The following ARHGAP44 variants were observed in gnomAD, a reference collection of about 807,000 sequenced individuals.
ARHGAP44 encodes the protein Rho GTPase activating protein 44, also known as rho GTPase-activating protein 44.
A neutral mutation model predicts 106.8 loss-of-function variants in ARHGAP44; 43 were observed. That is an observed-to-expected ratio of 0.40 (90% confidence interval 0.32 to 0.52). The LOEUF (loss-of-function observed/expected upper bound fraction) is 0.52, where lower values mean the gene tolerates loss of function less well. Ranked by LOEUF, ARHGAP44 falls within the 20% of genes least tolerant of loss-of-function variation. The probability of loss-of-function intolerance (pLI) is 0.48; values close to 1 mark genes in which losing one functional copy is unlikely to be tolerated. For missense variants in ARHGAP44, 866 were observed against 1,050.5 expected (o/e 0.82, Z 2.43); for synonymous variants, 439 against 410.3 (o/e 1.07, Z -0.85).
At chr17:12,944,326 C>T in intron 10 of ARHGAP44, 130 bp downstream of exon 10, 1 of 1,171,698 alleles carries the variant, frequency 8.5e-7, no homozygotes, top group Non-Finnish European at 1.1e-6. Context: ...AAGACAGTGG[C>T]TCAGACCCAT....
chr17:12,926,397 T>C (rs1367369820), intron 6 of ARHGAP44, among the ~76,000 whole-genome samples: 1 of 145,564 alleles, frequency 6.9e-6, no homozygotes, highest in Admixed American at 7.1e-5. Flanking sequence ...ATATATAATA[T>C]ATATTGTATA....
intron 1 of ARHGAP44, among the ~76,000 whole-genome samples, chr17:12,861,626 C>T (rs796487914): frequency 2.0e-5 from 3 of 147,018 alleles, no homozygotes; most frequent in African/African-American, 7.5e-5. Flanking sequence ...CTGAATTCCT[C>T]TTCTGCCTCC....
intron 1 of ARHGAP44, among the ~76,000 whole-genome samples, chr17:12,871,645 C>T (rs78845619): frequency 0.022 from 3,300 of 152,196 alleles, 133 homozygotes; most frequent in African/African-American, 0.076. Context: ...CCACTAGGCC[C>T]CTCGTCCAAC....
chr17:12,926,437 A>AT (rs376555110), intron 6 of ARHGAP44, among the ~76,000 whole-genome samples: 1 of 144,016 alleles, frequency 6.9e-6, no homozygotes, highest in Admixed American at 7.2e-5. Flanking sequence ...TATAATATAT[A>AT]TGTATATACA....
intron 1 of ARHGAP44, among the ~76,000 whole-genome samples, chr17:12,812,901 TCA>T (rs1035636581): frequency 2.0e-5 from 3 of 152,162 alleles, no homozygotes; most frequent in African/African-American, 4.8e-5. Context: ...ACTTAAAAAA[TCA>T]CAGTCATATG....
chr17:12,984,550 G>A lies in ARHGAP44; in HGVS notation c.1959G>A (p.Pro653=), dbSNP rs774468228. The A allele has an allele frequency of 5.9e-6, 9 of 1,526,520 alleles. No homozygotes were observed. The highest frequency in any genetic ancestry group is 4.4e-5 in the Admixed American group (2 of 45,574). 94.6% of individuals were successfully genotyped at this position (1,526,520 alleles called of 1,614,324 possible). A position where few individuals can be genotyped will look rare whatever the true frequency, so the allele number is the denominator to read the frequency against. The change falls in exon 20 of 21, where the codon CCG becomes CCA. Residue 653 remains proline, a synonymous_variant. Transcript: ENST00000379672. The stretch of plus-strand genomic sequence containing the variant: ...TTTCAGTTTCAAAGAAGCTGGCACC[G>A]ATTCCACCCAAGGTCCCCTTTGGCC... The part of the protein sequence containing the change: ...TLRKVSKKLA[P]IPPKVPFGQP...
intron 8 of ARHGAP44, 65 bp from the exon 9 acceptor site, chr17:12,943,523 G>A: frequency 2.0e-6 from 3 of 1,513,218 alleles, no homozygotes; most frequent in Non-Finnish European, 2.7e-6. Context: ...AAAATGCTTT[G>A]CATGCCATGG....
At chr17:12,895,168 C>A (rs9898453) in intron 2 of ARHGAP44, among the ~76,000 whole-genome samples, 189 bp downstream of exon 2, 1 of 144,748 alleles carries the variant, frequency 6.9e-6, no homozygotes, top group African/African-American at 2.5e-5. Flanking sequence ...AAACAAACAA[C>A]CAAAAAAACC....
At chr17:12,890,409 T>A (rs2037008048) in intron 1 of ARHGAP44, among the ~76,000 whole-genome samples, 1 of 152,168 alleles carries the variant, frequency 6.6e-6, no homozygotes, top group East Asian at 1.9e-4. Flanking sequence ...ACTTATGCCC[T>A]CTGGAGAGCA....
chr17:12,980,360 G>T, intron 19 of ARHGAP44, 127 bp downstream of exon 19: 1 of 1,023,076 alleles, frequency 9.8e-7, no homozygotes, highest in Non-Finnish European at 1.4e-6. Flanking sequence ...ATTCCCATCT[G>T]GACATTAGAG....
intron 1 of ARHGAP44, among the ~76,000 whole-genome samples, chr17:12,851,548 A>G (rs1271189007): frequency 6.6e-6 from 1 of 150,968 alleles, no homozygotes; most frequent in African/African-American, 2.4e-5. Context: ...GCTCACCACA[A>G]CCTCCGTCCG....
intron 19 of ARHGAP44, among the ~76,000 whole-genome samples, chr17:12,982,360 C>T (rs977370648): frequency 2.6e-5 from 4 of 151,550 alleles, no homozygotes; most frequent in South Asian, 4.2e-4. Flanking sequence ...GACAGCGTGC[C>T]GACAATTTCA....
chr17:12,898,649 C>G (rs1309912374), intron 3 of ARHGAP44, among the ~76,000 whole-genome samples: 6 of 152,156 alleles, frequency 3.9e-5, no homozygotes, highest in Non-Finnish European at 8.8e-5. Context: ...TTCACATAAC[C>G]ATATCACAGG....
intron 6 of ARHGAP44, among the ~76,000 whole-genome samples, chr17:12,928,327 G>GA (rs2038304046): frequency 6.6e-6 from 1 of 152,162 alleles, no homozygotes; most frequent in Admixed American, 6.6e-5. Flanking sequence ...ATTCCCACAG[G>GA]ATAGGCAGGG....
chr17:12,911,220 A>G (rs987621047), intron 4 of ARHGAP44, among the ~76,000 whole-genome samples: 1 of 152,322 alleles, frequency 6.6e-6, no homozygotes. Context: ...TCCAAGAGTC[A>G]TGCCTATAAT....
intron 7 of ARHGAP44, among the ~76,000 whole-genome samples, chr17:12,938,666 G>A (rs1440302276): frequency 6.6e-6 from 1 of 151,126 alleles, no homozygotes; most frequent in Non-Finnish European, 1.5e-5. Flanking sequence ...GTGTGGATTA[G>A]TTGTAAAATC....
chr17:12,911,097 T>G (rs1035358440), intron 4 of ARHGAP44, among the ~76,000 whole-genome samples: 4 of 141,178 alleles, frequency 2.8e-5, no homozygotes, highest in South Asian at 2.2e-4. Context: ...AAAATGAGGG[T>G]GGTAGCAATC....
chr17:12,855,712 A>G (rs1215485512), intron 1 of ARHGAP44, among the ~76,000 whole-genome samples: 1 of 152,220 alleles, frequency 6.6e-6, no homozygotes, highest in Admixed American at 6.5e-5. Flanking sequence ...TTTGTCTAAA[A>G]TTGAGTGTCT....
At chr17:12,868,341 T>C (rs1007195090) in intron 1 of ARHGAP44, among the ~76,000 whole-genome samples, 3 of 152,068 alleles carry the variant, frequency 2.0e-5, no homozygotes, top group Non-Finnish European at 4.4e-5. Context: ...TTAAAGACCA[T>C]ATCTTCAAAT....
Sources: allele counts gnomAD v4.1 joint callset (sites outside exome capture counted in the v4.1 genomes callset), GRCh38; gene constraint gnomAD v4.1.1; transcripts MANE v1.5; gene names NCBI Gene and HGNC (gene_info 2026-07-23, HGNC 2026-07-21).